GOLGA8A: variants seen among roughly 807,000 people sequenced by gnomAD.
GOLGA8A encodes golgin A8 family member A, also known as golgin subfamily A member 8A.
GOLGA8A carries 3 observed loss-of-function variants against 22.1 expected under a neutral mutation model. The observed-to-expected ratio is 0.14, with a 90% CI of 0.06 to 0.35. The LOEUF is 0.35. GOLGA8A is among the 10% of genes least tolerant of loss of function. GOLGA8A has a pLI of 1.00. For missense variants in GOLGA8A, 16 were observed against 233.2 expected (o/e 0.07, Z 6.07); for synonymous variants, 7 against 91.7 (o/e 0.08, Z 5.28).
intron 1 of GOLGA8A, among the ~76,000 whole-genome samples, chr15:34,435,734 C>A (rs1055529707): frequency 6.7e-6 from 1 of 148,754 alleles, no homozygotes; most frequent in African/African-American, 2.5e-5. Flanking sequence ...CACTTCCTAA[C>A]AAATGAGAGG....
intron 2 of GOLGA8A, among the ~76,000 whole-genome samples, chr15:34,433,265 AG>A (rs1893338513): frequency 6.7e-6 from 1 of 149,238 alleles, no homozygotes; most frequent in Non-Finnish European, 1.5e-5. Flanking sequence ...GTACAGGACA[AG>A]TTTGGAAAGA....
At chr15:34,425,943 C>G (rs561437230) in intron 2 of GOLGA8A, among the ~76,000 whole-genome samples, 2 of 144,296 alleles carry the variant, frequency 1.4e-5, no homozygotes, top group African/African-American at 5.0e-5. Flanking sequence ...GCGTCGATGT[C>G]CAGAGAGTGT....
In GOLGA8A at chr15:34,380,225, ATAG is replaced by A. The variant is rs1369209393; in HGVS notation, c.*1183_*1185del. 6.6e-6 allele frequency: 1 copy of A among 152,214 alleles called. No homozygotes were observed. Among genetic ancestry groups the A allele is most frequent in the Admixed American group, 6.5e-5 (1 of 15,286 alleles). The allele number at this position is 152,214 out of a possible 1,614,324, so 9.4% of individuals were successfully genotyped here. A position where few individuals can be genotyped will look rare whatever the true frequency, so the allele number is the denominator to read the frequency against. On this transcript the variant is annotated 3_prime_UTR_variant, in exon 25 of 25. Transcript: ENST00000359187. ...TCAGAGTAACCGAGGTGGTTGAAGA[ATAG>A]GTATTAGCCAGAGAGGTCTAGATAG... is the stretch of plus-strand genomic sequence containing the variant.
chr15:34,422,733 GCT>G (rs377406455), intron 2 of GOLGA8A, among the ~76,000 whole-genome samples: 4 of 96,838 alleles, frequency 4.1e-5, no homozygotes, highest in Non-Finnish European at 8.0e-5. Flanking sequence ...TCTCGCTCTC[GCT>G]CTCTCTCTCT....
rs1491115727 is a variant in GOLGA8A, at chr15:34,437,435, CCT to C, written c.-1251_-1250del. The C allele has an allele frequency of 2.9e-5, 4 of 139,386 alleles. No individual in the cohort carries two copies. Among genetic ancestry groups the C allele is most frequent in the East Asian group, 2.1e-4 (1 of 4,698 alleles). 8.6% of individuals were successfully genotyped at this position (139,386 alleles called of 1,614,324 possible). ...CGGGGCTGCCCCGGTCCGCCGCCGT[CCT>C]CGCCGCGCCGCCGTCCTCGCCGCGC... On this transcript the variant is annotated 5_prime_UTR_variant, in exon 1 of 25. Transcript: ENST00000359187.
Position 34,431,981 on chromosome 15 carries a change from C to G in GOLGA8A, c.-1123+3402G>C, listed in dbSNP as rs1893276932. Reference sequence around the variant, plus strand: ...TATCTCAACTGAAAATCCTAAATGTCAATAGTGTTCTCCGACTCACTATTT... The same window carrying G: ...TATCTCAACTGAAAATCCTAAATGTGAATAGTGTTCTCCGACTCACTATTT... On this transcript the variant is annotated intron_variant, in intron 2 of 24. Coordinates refer to ENST00000359187, the MANE Select transcript of GOLGA8A (RefSeq NM_181077.5). Among the ~76,000 whole-genome samples the G allele has an allele frequency of 2.0e-5, 3 of 148,696 alleles. 1 individual carries two copies. Among genetic ancestry groups the G allele is most frequent in the Middle Eastern group, 3.2e-3 (1 of 312 alleles).
intron 2 of GOLGA8A, among the ~76,000 whole-genome samples, chr15:34,423,781 C>A (rs1206493724): frequency 6.7e-6 from 1 of 149,266 alleles, no homozygotes; most frequent in African/African-American, 2.5e-5. Context: ...CCTCCATGGA[C>A]CCTTTGGCCA....
intron 2 of GOLGA8A, among the ~76,000 whole-genome samples, chr15:34,423,627 G>C (rs1158574973): frequency 6.7e-6 from 1 of 148,898 alleles, no homozygotes; most frequent in African/African-American, 2.5e-5. Context: ...GAACATAAAT[G>C]ACAGGGAACA....
chr15:34,427,928 T>G (rs1480420370), intron 2 of GOLGA8A, among the ~76,000 whole-genome samples: 2 of 148,520 alleles, frequency 1.3e-5, no homozygotes, highest in African/African-American at 5.0e-5. Context: ...CGATGTGTCA[T>G]GGGAAGTCTC....
chr15:34,425,379 G>A (rs1386178216), intron 2 of GOLGA8A, among the ~76,000 whole-genome samples: 9 of 118,698 alleles, frequency 7.6e-5, no homozygotes, highest in African/African-American at 2.5e-4. Flanking sequence ...AAATTAGGTT[G>A]GAATCCTATA....
intron 2 of GOLGA8A, chr15:34,418,034 T>C (rs1274276243): frequency 3.0e-5 from 4 of 134,222 alleles, no homozygotes; most frequent in Non-Finnish European, 6.3e-5. Flanking sequence ...AATGTCCAAT[T>C]TGGAGAGTGA....
Position 34,432,446 on chromosome 15 carries a change from C to T in GOLGA8A, c.-1123+2937G>A, listed in dbSNP as rs117429028. 4.0e-5 allele frequency among the ~76,000 whole-genome samples: 6 copies of T among 148,922 alleles called. 1 individual carries two copies. Among genetic ancestry groups the T allele is most frequent in the African/African-American group, 7.4e-5 (3 of 40,336 alleles). ...AAGGCCAGCACTGCCCCATCACAGC[C>T]GAGTGCTCTTAGGCAACCCACAGCT... On this transcript the variant is annotated intron_variant, in intron 2 of 24. Coordinates refer to ENST00000359187, the MANE Select transcript of GOLGA8A (RefSeq NM_181077.5).
At chr15:34,420,798 T>C (rs867073924) in intron 2 of GOLGA8A, among the ~76,000 whole-genome samples, 2 of 129,242 alleles carry the variant, frequency 1.5e-5, no homozygotes, top group African/African-American at 5.9e-5. Flanking sequence ...GCCCATTCAT[T>C]TTATGAGTCA....
intron 2 of GOLGA8A, 67 bp downstream of exon 2, chr15:34,435,316 G>C (rs900311541): frequency 6.7e-6 from 1 of 149,320 alleles, no homozygotes; most frequent in African/African-American, 2.5e-5. Context: ...TTTTGTCTAG[G>C]AAAAATCAAA....
At position 34,421,643 on chromosome 15, in the gene GOLGA8A, C is replaced by T. The variant is rs2339436; in HGVS notation, c.-1123+13740G>A. ...TGCCATCTCTCAGCTCAGGGGTCCA[C>T]GACAAAGCTAACCCCACTGAGATGA... On this transcript the variant is annotated intron_variant, in intron 2 of 24. Transcript: ENST00000359187. Among the ~76,000 whole-genome samples, 58 of 144,068 alleles carry T rather than the reference C, an allele frequency of 4.0e-4. 3 individuals are homozygous for T. The highest frequency in any genetic ancestry group is 1.1e-3 in the East Asian group (5 of 4,650). 94.5% of individuals were successfully genotyped at this position (144,068 alleles called of 152,430 possible). A position where few individuals can be genotyped will look rare whatever the true frequency, so the allele number is the denominator to read the frequency against.
intron 2 of GOLGA8A, among the ~76,000 whole-genome samples, chr15:34,409,111 G>A (rs76066863): frequency 3.4e-5 from 5 of 145,230 alleles, no homozygotes; most frequent in Non-Finnish European, 6.2e-5. Flanking sequence ...CCCAGAGGAC[G>A]TGGCTGACAA....
At chr15:34,425,054 T>C (rs1024585664) in intron 2 of GOLGA8A, among the ~76,000 whole-genome samples, 6 of 146,468 alleles carry the variant, frequency 4.1e-5, no homozygotes, top group African/African-American at 1.5e-4. Context: ...ACCGCTGCAA[T>C]CCAGCCTGGG....
intron 2 of GOLGA8A, among the ~76,000 whole-genome samples, chr15:34,431,517 A>T (rs1893253844): frequency 6.8e-6 from 1 of 147,712 alleles, no homozygotes; most frequent in South Asian, 2.2e-4. Context: ...AACCTACTAC[A>T]ACACACTAGG....
At position 34,435,757 on chromosome 15, in the gene GOLGA8A, C is replaced by A. The variant is rs1156870042; in HGVS notation, c.-1211-286G>T. On this transcript the variant is annotated intron_variant, in intron 1 of 24. Transcript: ENST00000359187. ...AACAAATGAGAGGGAAGACTTCGTG[C>A]CCCATTGCTACTGCCATCACCCAGT... Among the ~76,000 whole-genome samples, 10 of 148,956 alleles carry A rather than the reference C, an allele frequency of 6.7e-5. 1 individual carries two copies. The highest frequency in any genetic ancestry group is 1.5e-4 in the Non-Finnish European group (10 of 67,046).
Sources: allele counts gnomAD v4.1 joint callset (sites outside exome capture counted in the v4.1 genomes callset), GRCh38; gene constraint gnomAD v4.1.1; transcripts MANE v1.5; gene names NCBI Gene and HGNC (gene_info 2026-07-23, HGNC 2026-07-21).